ARMH3: variants seen among roughly 807,000 people sequenced by gnomAD.
ARMH3 encodes the protein armadillo like helical domain containing 3.
ARMH3 carries 60 observed loss-of-function variants against 99.1 expected under a neutral mutation model. That is an observed-to-expected ratio of 0.61 (90% CI 0.49 to 0.75). The LOEUF (loss-of-function observed/expected upper bound fraction) is 0.75, where lower values mean the gene tolerates loss of function less well. Among genes scored for constraint, ARMH3 ranks in the 30% least tolerant of loss-of-function variants. The pLI is 0.00. For synonymous variants in ARMH3, 285 were observed against 292.8 expected (o/e 0.97, Z 0.27); for missense variants, 679 against 843.1 (o/e 0.81, Z 2.41).
intron 13 of ARMH3, among the ~76,000 whole-genome samples, chr10:102,007,541 C>T (rs1201844767): frequency 2.0e-5 from 3 of 150,546 alleles, no homozygotes; most frequent in Admixed American, 6.6e-5. Flanking sequence ...GCTATTCAGC[C>T]GGGTGCGGTG....
intron 22 of ARMH3, among the ~76,000 whole-genome samples, chr10:101,946,101 A>AAAAAAAAAAAAAAC: frequency 7.4e-6 from 1 of 134,316 alleles, no homozygotes; most frequent in African/African-American, 2.8e-5. Context: ...AAAAAAAAAA[A>AAAAAAAAAAAAAAC]AAGTCCAGGA....
intron 10 of ARMH3, 89 bp from the exon 11 acceptor site, chr10:102,011,872 C>T: frequency 2.0e-6 from 2 of 1,019,622 alleles, no homozygotes; most frequent in Non-Finnish European, 2.9e-6. Context: ...GCAGAGCACT[C>T]TTAAAATTCT....
intron 24 of ARMH3, among the ~76,000 whole-genome samples, chr10:101,852,425 A>G (rs1459647167): frequency 1.3e-5 from 2 of 152,190 alleles, no homozygotes; most frequent in East Asian, 3.9e-4. Flanking sequence ...GGGAGGTGAG[A>G]GCAGAAAAGG....
chr10:101,891,252 A>G (rs1475721350), intron 23 of ARMH3, among the ~76,000 whole-genome samples: 2 of 151,368 alleles, frequency 1.3e-5, no homozygotes, highest in African/African-American at 4.9e-5. Flanking sequence ...CTGGAGTGCA[A>G]TGGTGCGATC....
intron 24 of ARMH3, among the ~76,000 whole-genome samples, chr10:101,874,058 G>A (rs181061343): frequency 1.3e-5 from 2 of 152,158 alleles, no homozygotes; most frequent in East Asian, 3.9e-4. Flanking sequence ...AGTACATATT[G>A]CATTAGTTTA....
chr10:101,929,529 GT>G (rs1843635368), intron 23 of ARMH3, among the ~76,000 whole-genome samples: 1 of 151,984 alleles, frequency 6.6e-6, no homozygotes, highest in Non-Finnish European at 1.5e-5. Context: ...TGCAAATAAA[GT>G]TTATTGAAGT....
intron 23 of ARMH3, among the ~76,000 whole-genome samples, chr10:101,935,463 A>G (rs1843924666): frequency 6.6e-6 from 1 of 152,202 alleles, no homozygotes; most frequent in Admixed American, 6.5e-5. Context: ...GTGACGAAGT[A>G]CTTTTAACTT....
chr10:102,026,091 A>G lies in ARMH3; in HGVS notation c.415-843T>C, dbSNP rs182209099. On this transcript the variant is annotated intron_variant, in intron 5 of 25. Transcript: ENST00000370033. ...CGTCCATCCTGGTCTCCGCTTGGCAATGTAATTGGAATTTATCACTGCACT... is the reference window on the plus strand; with the variant it reads ...CGTCCATCCTGGTCTCCGCTTGGCAGTGTAATTGGAATTTATCACTGCACT... Among the ~76,000 whole-genome samples the G allele has an allele frequency of 2.0e-5, 3 of 152,350 alleles. No homozygotes were observed. In the East Asian group the frequency reaches 5.8e-4, roughly 29 times the overall value.
intron 1 of ARMH3, among the ~76,000 whole-genome samples, chr10:102,046,175 T>C (rs761693764): frequency 2.4e-4 from 36 of 151,974 alleles, no homozygotes; most frequent in African/African-American, 1.9e-4. Flanking sequence ...GCACTTTATA[T>C]ATATTAATTC....
At chr10:102,049,000 CTT>C (rs35877711) in intron 1 of ARMH3, among the ~76,000 whole-genome samples, 2 of 147,818 alleles carry the variant, frequency 1.4e-5, no homozygotes, top group Non-Finnish European at 3.0e-5. Context: ...CTCTCACTTT[CTT>C]TTTTTTTTTC....
At chr10:101,905,207 C>T (rs1344651998) in intron 23 of ARMH3, among the ~76,000 whole-genome samples, 3 of 152,046 alleles carry the variant, frequency 2.0e-5, no homozygotes, top group African/African-American at 7.2e-5. Flanking sequence ...TAGCTTAAGA[C>T]CTCAGGTCAG....
chr10:102,009,937 C>G, intron 12 of ARMH3, 40 bp downstream of exon 12: 2 of 1,592,684 alleles, frequency 1.3e-6, no homozygotes, highest in South Asian at 2.2e-5. Context: ...ACAGCCCACA[C>G]TAAAGTCCAA....
In ARMH3 at chr10:101,856,449, C is replaced by T. The variant is rs886350336; in HGVS notation, c.1861-6557G>A. Reference sequence around the variant, plus strand: ...GGGTGCTGAAAGATTCAATAAATCCCTTCTACAATGAATGCTCCTATCTCA... The same window carrying T: ...GGGTGCTGAAAGATTCAATAAATCCTTTCTACAATGAATGCTCCTATCTCA... On this transcript the variant is annotated intron_variant, in intron 24 of 25. Transcript: ENST00000370033. 3.3e-5 allele frequency among the ~76,000 whole-genome samples: 5 copies of T among 152,172 alleles called. No individual in the cohort carries two copies. In the East Asian group the frequency reaches 7.7e-4, roughly 24 times the overall value.
chr10:101,930,288 C>G (rs1023865783), intron 23 of ARMH3, among the ~76,000 whole-genome samples: 1 of 151,930 alleles, frequency 6.6e-6, no homozygotes, highest in Non-Finnish European at 1.5e-5. Context: ...AAACAGCCAA[C>G]AAACTAAGAA....
intron 22 of ARMH3, among the ~76,000 whole-genome samples, chr10:101,940,512 T>C (rs1306633290): frequency 6.6e-6 from 1 of 152,124 alleles, no homozygotes; most frequent in Non-Finnish European, 1.5e-5. Context: ...GCAGGTTTGT[T>C]ACATATGTAT....
intron 8 of ARMH3, among the ~76,000 whole-genome samples, chr10:102,019,471 T>C (rs1043199178): frequency 6.6e-6 from 1 of 152,132 alleles, no homozygotes; most frequent in African/African-American, 2.4e-5. Flanking sequence ...AAGGCATTAT[T>C]ATCATAGGAG....
chr10:101,890,270 G>T (rs1304280161), intron 23 of ARMH3, among the ~76,000 whole-genome samples: 15 of 151,440 alleles, frequency 9.9e-5, no homozygotes, highest in Admixed American at 9.2e-4. Flanking sequence ...TTTAGACAGG[G>T]TGTCACTCTG....
chr10:101,900,634 G>A (rs2067950580), intron 23 of ARMH3, among the ~76,000 whole-genome samples: 1 of 152,038 alleles, frequency 6.6e-6, no homozygotes. Flanking sequence ...TTTAAGCATG[G>A]GAGAGCAAGA....
chr10:102,028,057 A>AT (rs934749271), intron 5 of ARMH3, among the ~76,000 whole-genome samples: 2 of 151,892 alleles, frequency 1.3e-5, no homozygotes, highest in African/African-American at 4.8e-5. Context: ...TCTCCAAAAA[A>AT]AAAAAATAAA....
Sources: gnomAD v4.1 joint callset for allele counts (sites outside exome capture counted in the v4.1 genomes callset) on GRCh38, gnomAD v4.1.1 for gene constraint, MANE v1.5 for transcripts, NCBI Gene and HGNC (gene_info 2026-07-23, HGNC 2026-07-21) for gene names.